Variants in MEFV observed in about 807,000 individuals in gnomAD.
The protein encoded by MEFV is pyrin.
A neutral mutation model predicts 62.5 loss-of-function variants in MEFV; 60 were observed. That is an observed-to-expected ratio of 0.96 (90% CI 0.78 to 1.19). The LOEUF (loss-of-function observed/expected upper bound fraction) is 1.19, where lower values mean the gene tolerates loss of function less well. MEFV is among the 50% of genes most tolerant of loss of function. The probability of loss-of-function intolerance (pLI) is 0.00; values close to 1 mark genes in which losing one functional copy is unlikely to be tolerated. For missense variants in MEFV, 1,169 were observed against 1,004.5 expected, an observed-to-expected ratio of 1.16 and a Z score of -2.21; for synonymous variants, 500 against 415.2, an observed-to-expected ratio of 1.20 and a Z score of -2.48.
intron 1 of MEFV, 41 bp from the exon 2 acceptor site, chr16:3,254,831 C>A (rs753977214): frequency 1.2e-6 from 2 of 1,605,238 alleles, no homozygotes; most frequent in Non-Finnish European, 8.5e-7. Context: ...AGCTGTCCCA[C>A]GTTTAGGGCC....
intron 8 of MEFV, 110 bp downstream of exon 8, chr16:3,244,144 C>T (rs1194717154): frequency 6.5e-7 from 1 of 1,546,582 alleles, no homozygotes; most frequent in Admixed American, 2.0e-5. Context: ...ACCTTTGCTC[C>T]AGGTGTTTGG....
intron 1 of MEFV, 150 bp from the exon 2 acceptor site, chr16:3,254,940 C>G: frequency 1.5e-6 from 2 of 1,328,656 alleles, no homozygotes; most frequent in South Asian, 2.5e-5. Flanking sequence ...CCTGTATTCC[C>G]GGCACTCTGG....
rs770524941 is a variant in MEFV, at chr16:3,249,507, C to T, written c.1184G>A (p.Cys395Tyr). ...CTCCTGACTCAGACTGCAGATGAGG[C>T]AGATGGGCTCATCGTGATCCTCACA... is the stretch of plus-strand genomic sequence containing the variant. ...LFCEDHDEPI[C>Y]LICSLSQEHQ... The change falls in exon 3 of 10, where the codon TGC becomes TAC. Residue 395 changes from cysteine (C) to tyrosine (Y), a missense_variant. Transcript: ENST00000219596. The T allele has an allele frequency of 1.9e-6, 3 of 1,614,192 alleles. No homozygotes were observed. Among genetic ancestry groups the T allele is most frequent in the Non-Finnish European group, 2.5e-6 (3 of 1,180,044 alleles).
chr16:3,253,850 T>G (rs547788352), intron 2 of MEFV, among the ~76,000 whole-genome samples: 1 of 152,288 alleles, frequency 6.6e-6, no homozygotes, highest in African/African-American at 2.4e-5. Flanking sequence ...GGGGTCTCAC[T>G]GTGTTGCCTA....
intron 2 of MEFV, among the ~76,000 whole-genome samples, chr16:3,253,097 G>C (rs1959061128): frequency 6.6e-6 from 1 of 151,610 alleles, no homozygotes; most frequent in Admixed American, 6.6e-5. Flanking sequence ...TTTACCTATA[G>C]GGACAGCTGC....
At chr16:3,246,645 G>T in intron 5 of MEFV, 98 bp from the exon 6 acceptor site, 2 of 1,328,850 alleles carry the variant, frequency 1.5e-6, no homozygotes, top group Non-Finnish European at 1.1e-6. Context: ...TTAGCTCCCC[G>T]CTGCACTTAC....
intron 1 of MEFV, among the ~76,000 whole-genome samples, chr16:3,255,702 T>C (rs763264022): frequency 3.3e-5 from 5 of 151,976 alleles, no homozygotes; most frequent in Non-Finnish European, 5.9e-5. Flanking sequence ...TGAGCCACCA[T>C]GCCTAGCCTA....
intron 8 of MEFV, 43 bp from the exon 9 acceptor site, chr16:3,243,935 G>A: frequency 5.6e-6 from 9 of 1,611,616 alleles, no homozygotes; most frequent in Non-Finnish European, 7.6e-6. Flanking sequence ...CTGAGCATTA[G>A]CATTAAGAGG....
At chr16:3,244,427 G>T (rs772745000) in intron 7 of MEFV, 46 bp downstream of exon 7, 3 of 1,593,548 alleles carry the variant, frequency 1.9e-6, no homozygotes, top group South Asian at 1.1e-5. Context: ...TGGATCTTAG[G>T]GAGGAAGTGA....
At position 3,255,291 on chromosome 16, in the gene MEFV, T is replaced by C. The variant is rs182625196; in HGVS notation, c.278-501A>G. Among the ~76,000 whole-genome samples, 582 of 151,890 alleles carry C rather than the reference T, an allele frequency of 3.8e-3. 3 individuals carry two copies. Among genetic ancestry groups the C allele is most frequent in the African/African-American group, 0.013 (552 of 41,468 alleles). On this transcript the variant is annotated intron_variant, in intron 1 of 9. Coordinates refer to ENST00000219596, the MANE Select transcript of MEFV (RefSeq NM_000243.3). The stretch of plus-strand genomic sequence containing the variant: ...GAGATCGGGCCACTGCACTCCAGCC[T>C]GAGTGACAGAGCAAGACTCCATCTC...
At chr16:3,246,322 T>C (rs897575512) in intron 6 of MEFV, 1 of 618,656 alleles carries the variant, frequency 1.6e-6, no homozygotes, top group South Asian at 1.9e-5. Flanking sequence ...TGCAGCTCCA[T>C]ACCCGGCCAG....
At chr16:3,245,046 G>A (rs1958918833) in intron 6 of MEFV, among the ~76,000 whole-genome samples, 1 of 152,148 alleles carries the variant, frequency 6.6e-6, no homozygotes, top group Admixed American at 6.5e-5. Context: ...TAGCACTTCA[G>A]GAGGCCGGGG....
chr16:3,254,681 C>T lies in MEFV; in HGVS notation c.387G>A (p.Gly129=), dbSNP rs1271293463. The T allele has an allele frequency of 6.2e-7, 1 of 1,612,156 alleles. No individual in the cohort carries two copies. The highest frequency in any genetic ancestry group is 8.5e-7 in the Non-Finnish European group (1 of 1,179,748). ...KTPDHPEGNE[G]NGPRPYGGGA... is the part of the protein sequence containing the mutation. The stretch of plus-strand genomic sequence containing the variant: ...CGCCCCCGTACGGCCGAGGGCCGTT[C>T]CCCTCGTTCCCCTCGGGGTGGTCTG... The change falls in exon 2 of 10, where the codon GGG becomes GGA. Residue 129 remains glycine, a synonymous_variant. Transcript: ENST00000219596.
At chr16:3,250,364 T>C (rs1466793985) in intron 2 of MEFV, among the ~76,000 whole-genome samples, 1 of 152,174 alleles carries the variant, frequency 6.6e-6, no homozygotes, top group Admixed American at 6.5e-5. Flanking sequence ...ATCCCAGTGC[T>C]TTGGGAGGCC....
At chr16:3,252,949 C>CAAAA (rs5815167) in intron 2 of MEFV, among the ~76,000 whole-genome samples, 4 of 51,642 alleles carry the variant, frequency 7.7e-5, no homozygotes, top group African/African-American at 1.6e-4. Context: ...GACTCTGTCT[C>CAAAA]AAAAAAAAAA....
Position 3,242,233 on chromosome 16 carries a change from G to A in MEFV, c.*908C>T, listed in dbSNP as rs899252023. On this transcript the variant is annotated 3_prime_UTR_variant, in exon 10 of 10. Transcript: ENST00000219596. ...CAAAAAATTAGCCGGGCATGGTGGC[G>A]GGCGCCTGTAATCCCAGCTACTTCG... The A allele has an allele frequency of 2.6e-5, 6 of 227,268 alleles. No individual in the cohort carries two copies. In the East Asian group the frequency reaches 5.2e-4, roughly 20 times the overall value. The allele number at this position is 227,268 out of a possible 1,614,324, so 14.1% of individuals were successfully genotyped here.
chr16:3,244,311 G>C, intron 7 of MEFV, 25 bp from the exon 8 acceptor site: 1 of 1,614,002 alleles, frequency 6.2e-7, no homozygotes, highest in Non-Finnish European at 8.5e-7. Flanking sequence ...AGGGAGCAGA[G>C]AGAAGCTGGA....
At chr16:3,254,027 C>CA in intron 2 of MEFV, 131 bp downstream of exon 2, 1 of 1,017,548 alleles carries the variant, frequency 9.8e-7, no homozygotes. Context: ...AGGCTGGTCT[C>CA]AAAGTCTTGG....
At position 3,243,098 on chromosome 16, in the gene MEFV, G is replaced by A. The variant is rs1013247080; in HGVS notation, c.*43C>T. On this transcript the variant is annotated 3_prime_UTR_variant, in exon 10 of 10. Coordinates refer to ENST00000219596, the MANE Select transcript of MEFV (RefSeq NM_000243.3). The stretch of plus-strand genomic sequence containing the variant: ...CCGTGACTATTGAGTGTGAATGCAA[G>A]ATACAAGGCCAGAAGCAGGAAGAGA... The A allele has an allele frequency of 3.1e-6, 5 of 1,603,066 alleles. No homozygotes were observed. In the African/African-American group the frequency reaches 6.7e-5, roughly 21 times the overall value.
Sources: gnomAD v4.1 joint callset for allele counts (sites outside exome capture counted in the v4.1 genomes callset) on GRCh38, gnomAD v4.1.1 for gene constraint, MANE v1.5 for transcripts, NCBI Gene and HGNC (gene_info 2026-07-23, HGNC 2026-07-21) for gene names.